The following ARL3 variants were observed in gnomAD, a reference collection of about 807,000 sequenced individuals.
The protein encoded by ARL3 is ADP-ribosylation factor-like protein 3.
In ARL3, 9 loss-of-function variants were observed where a neutral mutation model predicts 26.0. The observed-to-expected ratio is 0.35, with a 90% CI of 0.21 to 0.60. The LOEUF (loss-of-function observed/expected upper bound fraction) is 0.60, where lower values mean the gene tolerates loss of function less well. ARL3 is among the 20% of genes least tolerant of loss of function. The pLI is 0.78. For synonymous variants in ARL3, 71 were observed against 78.4 expected (o/e 0.91, Z 0.50); for missense variants, 158 against 215.7 (o/e 0.73, Z 1.67).
rs572007019 is a variant in ARL3, at chr10:102,674,836, C to T, written c.*2058G>A. 3 of 152,092 alleles carry T rather than the reference C, an allele frequency of 2.0e-5. No individual in the cohort carries two copies. Among genetic ancestry groups the T allele is most frequent in the Non-Finnish European group, 4.4e-5 (3 of 68,018 alleles). The allele number at this position is 152,092 out of a possible 1,614,324, so 9.4% of individuals were successfully genotyped here. A position where few individuals can be genotyped will look rare whatever the true frequency, so the allele number is the denominator to read the frequency against. On this transcript the variant is annotated 3_prime_UTR_variant, in exon 6 of 6. Transcript: ENST00000260746. ...AGCAAATCAGAACATTTACAGAGGC[C>T]GTTATCAGAGGAGTGGCTTCTGCCT... is the stretch of plus-strand genomic sequence containing the variant.
At chr10:102,692,366 C>T (rs1024862674) in intron 3 of ARL3, among the ~76,000 whole-genome samples, 29 of 152,232 alleles carry the variant, frequency 1.9e-4, no homozygotes, top group African/African-American at 7.0e-4. Flanking sequence ...TTTTTCCTAA[C>T]TCATGATTGA....
At chr10:102,687,240 CT>C (rs201933967) in intron 4 of ARL3, among the ~76,000 whole-genome samples, 38 of 142,814 alleles carry the variant, frequency 2.7e-4, no homozygotes, top group South Asian at 4.5e-4. Flanking sequence ...TCACAGATCA[CT>C]TTTTTTTTTT....
At chr10:102,677,707 T>A (rs1204146362) in intron 5 of ARL3, among the ~76,000 whole-genome samples, 1 of 152,124 alleles carries the variant, frequency 6.6e-6, no homozygotes, top group Non-Finnish European at 1.5e-5. Context: ...CCCAACCCCC[T>A]TTGGAGCCAA....
At chr10:102,686,141 G>A (rs1381204691) in intron 4 of ARL3, 140 bp from the exon 5 acceptor site, 14 of 674,350 alleles carry the variant, frequency 2.1e-5, no homozygotes, top group South Asian at 1.4e-4. Context: ...GCGTGATCTC[G>A]GCTCACTGCA....
intron 5 of ARL3, 148 bp from the exon 6 acceptor site, chr10:102,677,089 G>A (rs2064134572): frequency 1.3e-6 from 1 of 798,750 alleles, no homozygotes; most frequent in African/African-American, 1.7e-5. Context: ...GGGCCCACCT[G>A]GGTGACCAGG....
rs958389744 is a variant in ARL3, at chr10:102,674,634, G to C, written c.*2260C>G. The C allele has an allele frequency of 6.6e-6, 1 of 152,276 alleles. No homozygotes were observed. Among genetic ancestry groups the C allele is most frequent in the Non-Finnish European group, 1.5e-5 (1 of 68,068 alleles). 9.4% of individuals were successfully genotyped at this position (152,276 alleles called of 1,614,324 possible). A position where few individuals can be genotyped will look rare whatever the true frequency, so the allele number is the denominator to read the frequency against. ...GTCTTCTGGTCAGGGGGCAGGAGTGGGCAGGGAAGAGGCAAGAGGGCTTTA... is the reference window on the plus strand; with the variant it reads ...GTCTTCTGGTCAGGGGGCAGGAGTGCGCAGGGAAGAGGCAAGAGGGCTTTA... On this transcript the variant is annotated 3_prime_UTR_variant, in exon 6 of 6. Transcript: ENST00000260746.
chr10:102,709,061 C>T (rs1300924274), intron 1 of ARL3, among the ~76,000 whole-genome samples: 27 of 151,100 alleles, frequency 1.8e-4, no homozygotes, highest in Admixed American at 1.8e-3. Context: ...TGTACAACCG[C>T]ACCCAGCTAA....
intron 4 of ARL3, among the ~76,000 whole-genome samples, chr10:102,688,493 A>T (rs993214004): frequency 1.5e-5 from 2 of 130,182 alleles, no homozygotes; most frequent in African/African-American, 5.8e-5. Flanking sequence ...ATAACTTTTT[A>T]AAAAACTTTT....
At chr10:102,687,486 G>C (rs942011614) in intron 4 of ARL3, among the ~76,000 whole-genome samples, 1 of 151,758 alleles carries the variant, frequency 6.6e-6, no homozygotes, top group African/African-American at 2.4e-5. Flanking sequence ...GGCGGAGTTC[G>C]AGACCAGTCT....
chr10:102,691,540 T>A (rs2064217393), intron 3 of ARL3, among the ~76,000 whole-genome samples: 1 of 152,130 alleles, frequency 6.6e-6, no homozygotes, highest in Non-Finnish European at 1.5e-5. Context: ...AAATGTGAAT[T>A]TCATATAATT....
chr10:102,686,838 A>G (rs867069459), intron 4 of ARL3, among the ~76,000 whole-genome samples: 2 of 144,042 alleles, frequency 1.4e-5, no homozygotes, highest in Admixed American at 1.4e-4. Context: ...CTGACTTTGG[A>G]AAGTCTGAGC....
At chr10:102,677,168 GCCC>G (rs2064134857) in intron 5 of ARL3, among the ~76,000 whole-genome samples, 1 of 152,192 alleles carries the variant, frequency 6.6e-6, no homozygotes, top group South Asian at 2.1e-4. Flanking sequence ...GGAGGGGGAT[GCCC>G]AGCGCCTGAA....
chr10:102,687,080 C>G (rs1338511474), intron 4 of ARL3, among the ~76,000 whole-genome samples: 2 of 150,574 alleles, frequency 1.3e-5, no homozygotes, highest in African/African-American at 4.9e-5. Context: ...GTTTCACCAT[C>G]TTGGCCAGGC....
rs1160807544 is a variant in ARL3, at chr10:102,685,942, A to G, written c.375T>C (p.Ala125=). ...KLSCVPVLIF[A]NKQDLLTAAP... is the part of the protein sequence containing the mutation. ...CTGCTGTGAGCAAATCCTGCTTATTAGCAAAGATGAGCACTGGCACACAAC... is the reference window on the plus strand; with the variant it reads ...CTGCTGTGAGCAAATCCTGCTTATTGGCAAAGATGAGCACTGGCACACAAC... Residue 125 remains alanine (A), a synonymous_variant, in exon 5 of 6, where the codon GCT becomes GCC. Transcript: ENST00000260746. 1 of 1,614,204 alleles carries G rather than the reference A, an allele frequency of 6.2e-7. No individual in the cohort carries two copies. The highest frequency in any genetic ancestry group is 1.1e-5 in the South Asian group (1 of 91,082).
rs2064126004 is a variant in ARL3 at position 102,675,589 on chromosome 10, A to C, written c.*1305T>G. 6.6e-6 allele frequency: 1 copy of C among 152,350 alleles called. No homozygotes were observed. The allele number at this position is 152,350 out of a possible 1,614,324, so 9.4% of individuals were successfully genotyped here. A position where few individuals can be genotyped will look rare whatever the true frequency, so the allele number is the denominator to read the frequency against. ...GCCTGTTTCCCCATGTTTGAAGCTGAGGATTTCTGAGGTTCAGGGAAACAA... is the reference window on the plus strand; with the variant it reads ...GCCTGTTTCCCCATGTTTGAAGCTGCGGATTTCTGAGGTTCAGGGAAACAA... On this transcript the variant is annotated 3_prime_UTR_variant, in exon 6 of 6. Coordinates refer to ENST00000260746, the MANE Select transcript of ARL3 (RefSeq NM_004311.4).
At chr10:102,688,793 G>T (rs1166409223) in intron 4 of ARL3, among the ~76,000 whole-genome samples, 1 of 152,014 alleles carries the variant, frequency 6.6e-6, no homozygotes, top group Admixed American at 6.6e-5. Context: ...GCGAGCCACC[G>T]CACCCAGCCC....
At chr10:102,696,088 C>T (rs1333083332) in intron 3 of ARL3, among the ~76,000 whole-genome samples, 1 of 151,714 alleles carries the variant, frequency 6.6e-6, no homozygotes, top group Non-Finnish European at 1.5e-5. Flanking sequence ...CTCAGCCTCC[C>T]GAGCAGCTAG....
intron 5 of ARL3, among the ~76,000 whole-genome samples, chr10:102,678,975 G>C (rs946666577): frequency 1.3e-5 from 2 of 152,216 alleles, no homozygotes; most frequent in African/African-American, 4.8e-5. Flanking sequence ...GCTGACCCCC[G>C]GCCTGGGCCC....
chr10:102,691,019 T>C (rs115149897), intron 3 of ARL3, among the ~76,000 whole-genome samples: 1,825 of 151,968 alleles, frequency 0.012, 32 homozygotes, highest in African/African-American at 0.041. Flanking sequence ...CCAGACACAG[T>C]TTAGAGAACC....
Sources: allele counts gnomAD v4.1 joint callset (sites outside exome capture counted in the v4.1 genomes callset), GRCh38; gene constraint gnomAD v4.1.1; transcripts MANE v1.5; gene names NCBI Gene and HGNC (gene_info 2026-07-23, HGNC 2026-07-21).